WWOX: variants seen among roughly 807,000 people sequenced by gnomAD.
WWOX encodes the protein WW domain containing oxidoreductase, also known as WW domain-containing oxidoreductase.
WWOX carries 69 observed loss-of-function variants against 46.2 expected under a neutral mutation model. The ratio of observed to expected loss-of-function variants is 1.49; its 90% confidence interval spans 1.23 to 1.82. The LOEUF (loss-of-function observed/expected upper bound fraction) is 1.82, where lower values mean the gene tolerates loss of function less well. Ranked by LOEUF, WWOX falls within the 40% of genes most tolerant of loss-of-function variation. The probability of loss-of-function intolerance (pLI) is 0.00; values close to 1 mark genes in which losing one functional copy is unlikely to be tolerated. For synonymous variants in WWOX, 359 were observed against 202.6 expected (o/e 1.77, Z -6.56); for missense variants, 919 against 542.6 (o/e 1.69, Z -6.89).
At chr16:79,108,863 T>C (rs898991088) in intron 8 of WWOX, among the ~76,000 whole-genome samples, 3 of 151,878 alleles carry the variant, frequency 2.0e-5, no homozygotes, top group African/African-American at 4.8e-5. Flanking sequence ...ATCATGCCGC[T>C]GCACTCCAGC....
In WWOX at chr16:79,141,234, A is replaced by G. The variant is rs376181852; in HGVS notation, c.1057-70374A>G. Reference sequence around the variant, plus strand: ...CCTATGACCTGGAAGCCCCCTCCTCATTTCAAGTCTTCCTACCTTTGCTCT... The same window carrying G: ...CCTATGACCTGGAAGCCCCCTCCTCGTTTCAAGTCTTCCTACCTTTGCTCT... On this transcript the variant is annotated intron_variant, in intron 8 of 8. Coordinates refer to ENST00000566780, the MANE Select transcript of WWOX (RefSeq NM_016373.4). Among the ~76,000 whole-genome samples, 87 of 152,228 alleles carry G rather than the reference A, an allele frequency of 5.7e-4. 1 individual carries two copies. The South Asian group carries it at 0.018, about 31-fold the overall frequency.
At chr16:78,335,757 C>G (rs1241124407) in intron 5 of WWOX, among the ~76,000 whole-genome samples, 1 of 152,130 alleles carries the variant, frequency 6.6e-6, no homozygotes. Context: ...TCGTGTGGTT[C>G]TGGCTCTGCA....
At chr16:78,703,771 T>C (rs984491813) in intron 8 of WWOX, among the ~76,000 whole-genome samples, 4 of 152,138 alleles carry the variant, frequency 2.6e-5, no homozygotes, top group African/African-American at 9.7e-5. Flanking sequence ...TCACTGATTT[T>C]GACTTCACAG....
At chr16:78,927,394 C>T (rs900259440) in intron 8 of WWOX, among the ~76,000 whole-genome samples, 1 of 152,138 alleles carries the variant, frequency 6.6e-6, no homozygotes, top group Non-Finnish European at 1.5e-5. Context: ...CCATCAATAA[C>T]TGTTCTTATG....
intron 8 of WWOX, among the ~76,000 whole-genome samples, chr16:78,800,670 A>C (rs1050237619): frequency 6.6e-6 from 1 of 152,214 alleles, no homozygotes; most frequent in East Asian, 1.9e-4. Flanking sequence ...CAAAGATTCA[A>C]CTGAAAACAT....
intron 8 of WWOX, among the ~76,000 whole-genome samples, chr16:78,978,680 A>G (rs2046619950): frequency 6.6e-6 from 1 of 152,220 alleles, no homozygotes; most frequent in Non-Finnish European, 1.5e-5. Context: ...CACATCTTAC[A>G]TCGCCAGAGC....
chr16:78,572,243 G>A (rs899678051), intron 8 of WWOX, among the ~76,000 whole-genome samples: 8 of 152,116 alleles, frequency 5.3e-5, no homozygotes, highest in Non-Finnish European at 1.2e-4. Context: ...GTGATAATGG[G>A]TGGATACCAG....
chr16:78,564,909 A>G (rs1008483257), intron 8 of WWOX, among the ~76,000 whole-genome samples: 14 of 151,460 alleles, frequency 9.2e-5, no homozygotes, highest in African/African-American at 3.4e-4. Context: ...TTTTATATGC[A>G]GTTTGTATTT....
chr16:78,164,777 C>G (rs2034918143), intron 5 of WWOX, among the ~76,000 whole-genome samples: 1 of 152,156 alleles, frequency 6.6e-6, no homozygotes, highest in Non-Finnish European at 1.5e-5. Flanking sequence ...AGAATCCCTG[C>G]CCTCATAGGC....
intron 5 of WWOX, among the ~76,000 whole-genome samples, chr16:78,374,359 C>A (rs1281852709): frequency 6.6e-6 from 1 of 152,020 alleles, no homozygotes; most frequent in East Asian, 1.9e-4. Context: ...TCCTTCCCCC[C>A]ATAAAACAAA....
chr16:78,874,445 A>C (rs1421434981), intron 8 of WWOX, among the ~76,000 whole-genome samples: 1 of 151,910 alleles, frequency 6.6e-6, no homozygotes, highest in Non-Finnish European at 1.5e-5. Context: ...TGGTTCTGCT[A>C]CCTCCAACTG....
chr16:78,208,976 T>C (rs1487124011), intron 5 of WWOX, among the ~76,000 whole-genome samples: 1 of 152,156 alleles, frequency 6.6e-6, no homozygotes, highest in African/African-American at 2.4e-5. Flanking sequence ...AGAATGGGAA[T>C]GGAAGGAGTG....
At chr16:78,717,270 A>G (rs984149985) in intron 8 of WWOX, among the ~76,000 whole-genome samples, 8 of 152,238 alleles carry the variant, frequency 5.3e-5, no homozygotes, top group Non-Finnish European at 1.0e-4. Context: ...CATGGAATAT[A>G]GAGATCCAGT....
At chr16:79,105,094 C>A (rs573378732) in intron 8 of WWOX, among the ~76,000 whole-genome samples, 4 of 152,232 alleles carry the variant, frequency 2.6e-5, no homozygotes, top group African/African-American at 9.6e-5. Flanking sequence ...AGCACAGGGA[C>A]GCAGCCCCTC....
At chr16:79,104,165 G>A (rs2049261690) in intron 8 of WWOX, among the ~76,000 whole-genome samples, 1 of 151,782 alleles carries the variant, frequency 6.6e-6, no homozygotes, top group Non-Finnish European at 1.5e-5. Context: ...CCACAAATAG[G>A]TGAACTACTC....
At chr16:78,269,532 C>G (rs964396701) in intron 5 of WWOX, among the ~76,000 whole-genome samples, 4 of 152,134 alleles carry the variant, frequency 2.6e-5, no homozygotes, top group Non-Finnish European at 4.4e-5. Context: ...CTTCAGCCAC[C>G]GATTTAACAA....
chr16:78,775,945 C>G (rs992237156), intron 8 of WWOX, among the ~76,000 whole-genome samples: 1 of 152,214 alleles, frequency 6.6e-6, no homozygotes, highest in African/African-American at 2.4e-5. Flanking sequence ...CATCACTACT[C>G]TAAACGTAAG....
intron 8 of WWOX, among the ~76,000 whole-genome samples, chr16:79,189,071 G>A (rs1044264875): frequency 2.6e-5 from 4 of 152,150 alleles, no homozygotes; most frequent in Admixed American, 6.5e-5. Flanking sequence ...ATACAGATAC[G>A]TGTATATATA....
chr16:78,680,560 G>T lies in WWOX; in HGVS notation c.1056+247808G>T, dbSNP rs578183566. Among the ~76,000 whole-genome samples, 3 of 152,228 alleles carry T rather than the reference G, an allele frequency of 2.0e-5. No homozygotes were observed. The East Asian group carries it at 5.8e-4, about 29-fold the overall frequency. ...AACAAACAAAAAGCCATGTAGAGCTGGGCTATCCAATACTTGAAGGTAGCC... is the reference window on the plus strand; with the variant it reads ...AACAAACAAAAAGCCATGTAGAGCTTGGCTATCCAATACTTGAAGGTAGCC... On this transcript the variant is annotated intron_variant, in intron 8 of 8. Transcript: ENST00000566780.
Sources: gnomAD v4.1 joint callset for allele counts (sites outside exome capture counted in the v4.1 genomes callset) on GRCh38, gnomAD v4.1.1 for gene constraint, MANE v1.5 for transcripts, NCBI Gene and HGNC (gene_info 2026-07-23, HGNC 2026-07-21) for gene names.